NSMCE2: variants seen among roughly 807,000 people sequenced by gnomAD.
NSMCE2 encodes the protein E3 SUMO-protein ligase NSE2.
A neutral mutation model predicts 23.8 loss-of-function variants in NSMCE2; 24 were observed. The ratio of observed to expected loss-of-function variants is 1.01; its 90% CI spans 0.73 to 1.42. The LOEUF (loss-of-function observed/expected upper bound fraction) is 1.42. Among genes scored for constraint, NSMCE2 ranks in the 40% most tolerant of loss-of-function variants. The probability of loss-of-function intolerance (pLI) is 0.00; values close to 1 mark genes in which losing one functional copy is unlikely to be tolerated. For synonymous variants in NSMCE2, 92 were observed against 94.1 expected (o/e 0.98, Z 0.13); for missense variants, 284 against 296.5 (o/e 0.96, Z 0.31).
At position 125,257,337 on chromosome 8, in the gene NSMCE2, T is replaced by C. The variant is rs186663116; in HGVS notation, c.418+75081T>C. Among the ~76,000 whole-genome samples, 519 of 146,518 alleles carry C rather than the reference T, an allele frequency of 3.5e-3. 2 individuals are homozygous for C. Among genetic ancestry groups the C allele is most frequent in the African/African-American group, 0.012 (494 of 39,962 alleles). ...AAGGAAAATGTGCCCACAAAAGAGA[T>C]GGGAAAAGAATGATCCAAGAAGTTC... On this transcript the variant is annotated intron_variant, in intron 5 of 7. Coordinates refer to ENST00000287437, the MANE Select transcript of NSMCE2 (RefSeq NM_173685.4).
intron 5 of NSMCE2, among the ~76,000 whole-genome samples, chr8:125,216,634 C>CAAA (rs35656783): frequency 5.4e-5 from 7 of 130,612 alleles, no homozygotes; most frequent in African/African-American, 1.6e-4. Flanking sequence ...GGCTGTGTGT[C>CAAA]AAAAAAAAAA....
chr8:125,267,003 CTTTT>C (rs35990794), intron 5 of NSMCE2, among the ~76,000 whole-genome samples: 1 of 111,986 alleles, frequency 8.9e-6, no homozygotes. Context: ...TTTTTTCTTT[CTTTT>C]TTTTTTTTTT....
intron 5 of NSMCE2, among the ~76,000 whole-genome samples, chr8:125,240,997 C>T (rs1825745809): frequency 6.6e-6 from 1 of 152,072 alleles, no homozygotes; most frequent in Non-Finnish European, 1.5e-5. Context: ...TTGAGTATCC[C>T]TTATCCAAAA....
At chr8:125,130,742 A>T (rs1025879789) in intron 3 of NSMCE2, among the ~76,000 whole-genome samples, 1 of 152,208 alleles carries the variant, frequency 6.6e-6, no homozygotes, top group Non-Finnish European at 1.5e-5. Context: ...ATCTATATTA[A>T]GGGGAACATG....
At chr8:125,339,905 A>G (rs971900681) in intron 5 of NSMCE2, among the ~76,000 whole-genome samples, 1 of 152,022 alleles carries the variant, frequency 6.6e-6, no homozygotes, top group African/African-American at 2.4e-5. Flanking sequence ...GGAAAGTTGC[A>G]TGAGTCATAC....
rs761335202 is a variant in NSMCE2, at chr8:125,366,902, G to T, written c.*17G>T. 3.5e-6 allele frequency: 5 copies of T among 1,423,448 alleles called. No homozygotes were observed. The highest frequency in any genetic ancestry group is 5.0e-6 in the Non-Finnish European group (5 of 1,006,170). 88.2% of individuals were successfully genotyped at this position (1,423,448 alleles called of 1,614,324 possible). ...TCCGAGTAGGAAAAGCCACCTGCCT[G>T]CAGGGACACCAGCAGCCTACCTCCT... On this transcript the variant is annotated 3_prime_UTR_variant, in exon 8 of 8. Transcript: ENST00000287437.
chr8:125,236,419 A>ATG (rs1466903796), intron 5 of NSMCE2, among the ~76,000 whole-genome samples: 8 of 151,716 alleles, frequency 5.3e-5, no homozygotes, highest in Middle Eastern at 3.2e-3. Flanking sequence ...GTAAATGAGT[A>ATG]TGTGTGTGTG....
chr8:125,345,867 C>G (rs1830412814), intron 5 of NSMCE2, among the ~76,000 whole-genome samples: 1 of 152,160 alleles, frequency 6.6e-6, no homozygotes, highest in Admixed American at 6.5e-5. Context: ...CTTAGAAGGC[C>G]ATGGTCAGCC....
At chr8:125,216,566 G>A (rs1208720991) in intron 5 of NSMCE2, among the ~76,000 whole-genome samples, 4 of 151,816 alleles carry the variant, frequency 2.6e-5, no homozygotes, top group East Asian at 1.9e-4. Context: ...CCTGGGAGGC[G>A]GAGGTTGCGG....
chr8:125,183,021 T>A (rs954456304), intron 5 of NSMCE2, among the ~76,000 whole-genome samples: 2 of 152,346 alleles, frequency 1.3e-5, no homozygotes, highest in Admixed American at 1.3e-4. Context: ...TAGTCTTTGC[T>A]TCTTTTAGGA....
chr8:125,210,033 C>G (rs1350989836), intron 5 of NSMCE2, among the ~76,000 whole-genome samples: 1 of 152,184 alleles, frequency 6.6e-6, no homozygotes, highest in Non-Finnish European at 1.5e-5. Flanking sequence ...AGAATAGTCA[C>G]AGTTCATAGC....
chr8:125,189,053 C>T (rs953150790), intron 5 of NSMCE2, among the ~76,000 whole-genome samples: 1 of 152,198 alleles, frequency 6.6e-6, no homozygotes, highest in Non-Finnish European at 1.5e-5. Flanking sequence ...GACCAACTTG[C>T]CTTCATCCTG....
intron 4 of NSMCE2, among the ~76,000 whole-genome samples, chr8:125,163,532 G>A (rs1448124304): frequency 1.3e-5 from 2 of 152,158 alleles, no homozygotes; most frequent in African/African-American, 4.8e-5. Context: ...CTAAAATGGG[G>A]TAATAATAGT....
chr8:125,349,586 A>T (rs1446871024), intron 5 of NSMCE2, among the ~76,000 whole-genome samples: 2 of 139,442 alleles, frequency 1.4e-5, no homozygotes, highest in African/African-American at 5.9e-5. Context: ...TTGTATTTAA[A>T]AAAAAAAAAA....
chr8:125,136,509 G>A (rs1163303316), intron 3 of NSMCE2, among the ~76,000 whole-genome samples: 2 of 152,148 alleles, frequency 1.3e-5, no homozygotes, highest in South Asian at 2.1e-4. Flanking sequence ...GAGACTAGGT[G>A]CCTGCATGTG....
intron 4 of NSMCE2, among the ~76,000 whole-genome samples, chr8:125,153,978 A>G (rs1287849576): frequency 2.6e-5 from 4 of 152,318 alleles, no homozygotes; most frequent in South Asian, 4.1e-4. Flanking sequence ...AGTATAGGCT[A>G]CTTAAATTAT....
intron 5 of NSMCE2, among the ~76,000 whole-genome samples, chr8:125,339,995 C>A (rs535693388): frequency 6.8e-6 from 1 of 147,892 alleles, no homozygotes; most frequent in South Asian, 2.1e-4. Flanking sequence ...AAGCCTCCGA[C>A]GTTGTAGTTT....
intron 5 of NSMCE2, among the ~76,000 whole-genome samples, chr8:125,336,072 G>A (rs940370427): frequency 3.3e-5 from 5 of 152,144 alleles, no homozygotes; most frequent in Middle Eastern, 3.2e-3. Context: ...AGTAGGGAAA[G>A]TTAAGCCTGA....
chr8:125,355,508 T>C (rs536058255), intron 5 of NSMCE2, among the ~76,000 whole-genome samples: 21 of 152,270 alleles, frequency 1.4e-4, no homozygotes, highest in Admixed American at 1.3e-3. Flanking sequence ...AAGACCAGCC[T>C]GGCCAATATG....
Sources: allele counts gnomAD v4.1 joint callset (sites outside exome capture counted in the v4.1 genomes callset), GRCh38; gene constraint gnomAD v4.1.1; transcripts MANE v1.5; gene names NCBI Gene and HGNC (gene_info 2026-07-23, HGNC 2026-07-21).